The following CTNNA3 variants were observed in gnomAD, a reference collection of about 807,000 sequenced individuals.
CTNNA3 encodes the protein catenin alpha 3, also known as catenin alpha-3.
CTNNA3 carries 76 observed loss-of-function variants against 95.7 expected under a neutral mutation model. The ratio of observed to expected loss-of-function variants is 0.79; its 90% CI spans 0.66 to 0.96. CTNNA3 has a LOEUF of 0.96. CTNNA3 is among the 40% of genes least tolerant of loss of function. The pLI, the probability that CTNNA3 is intolerant of heterozygous loss-of-function variation, is 0.00. For synonymous variants in CTNNA3, 431 were observed against 374.4 expected (o/e 1.15, Z -1.74); for missense variants, 1,191 against 1,089.8 (o/e 1.09, Z -1.31).
At chr10:66,232,393 AAAAT>A (rs1204204522) in intron 13 of CTNNA3, among the ~76,000 whole-genome samples, 1 of 152,136 alleles carries the variant, frequency 6.6e-6, no homozygotes, top group Admixed American at 6.5e-5. Flanking sequence ...GCAAATTTTA[AAAAT>A]AATTTTAAAA....
intron 17 of CTNNA3, among the ~76,000 whole-genome samples, chr10:65,942,967 A>G (rs1281905519): frequency 6.6e-6 from 1 of 152,206 alleles, no homozygotes; most frequent in Non-Finnish European, 1.5e-5. Flanking sequence ...TAAAATATAT[A>G]AAGAACTTAA....
chr10:66,005,127 G>A (rs1020337225), intron 15 of CTNNA3, among the ~76,000 whole-genome samples: 28 of 152,080 alleles, frequency 1.8e-4, no homozygotes, highest in Admixed American at 1.7e-3. Context: ...GTATGCTTCT[G>A]TTATCACACT....
At chr10:66,653,779 A>T (rs1055329247) in intron 9 of CTNNA3, among the ~76,000 whole-genome samples, 1 of 152,100 alleles carries the variant, frequency 6.6e-6, no homozygotes, top group Non-Finnish European at 1.5e-5. Flanking sequence ...AATGGAATAG[A>T]CAGTCCAAAA....
At chr10:67,373,093 A>G (rs1038941725) in intron 5 of CTNNA3, among the ~76,000 whole-genome samples, 1 of 152,204 alleles carries the variant, frequency 6.6e-6, no homozygotes, top group African/African-American at 2.4e-5. Context: ...ACCAGCTAAC[A>G]TAATAATGAC....
chr10:67,757,782 G>A (rs1182892213), intron 1 of CTNNA3, among the ~76,000 whole-genome samples: 2 of 152,050 alleles, frequency 1.3e-5, no homozygotes, highest in South Asian at 2.1e-4. Context: ...CTCAATCTGC[G>A]GACAGCCTAT....
At chr10:66,443,894 C>T (rs908624863) in intron 11 of CTNNA3, among the ~76,000 whole-genome samples, 2 of 152,076 alleles carry the variant, frequency 1.3e-5, no homozygotes, top group Non-Finnish European at 2.9e-5. Context: ...GGAGGAAATT[C>T]AAACCAATGG....
At chr10:66,643,585 T>C (rs1237345559) in intron 9 of CTNNA3, among the ~76,000 whole-genome samples, 2 of 152,200 alleles carry the variant, frequency 1.3e-5, no homozygotes, top group Non-Finnish European at 2.9e-5. Context: ...AATCATCTTC[T>C]TTTATAACTC....
intron 17 of CTNNA3, among the ~76,000 whole-genome samples, chr10:65,951,675 A>G (rs16922242): frequency 0.032 from 4,872 of 152,060 alleles, 95 homozygotes; most frequent in Middle Eastern, 0.079. Flanking sequence ...CCGAGAGGTC[A>G]TAGGGCTTCA....
At chr10:66,298,192 T>C (rs1289708435) in intron 12 of CTNNA3, among the ~76,000 whole-genome samples, 1 of 152,086 alleles carries the variant, frequency 6.6e-6, no homozygotes, top group East Asian at 1.9e-4. Flanking sequence ...GTTGATAAAA[T>C]AGCAAGGTTA....
At chr10:67,412,376 G>A (rs1239982179) in intron 5 of CTNNA3, among the ~76,000 whole-genome samples, 2 of 152,160 alleles carry the variant, frequency 1.3e-5, no homozygotes, top group East Asian at 3.9e-4. Flanking sequence ...CCAAATATAT[G>A]ATTCATCAGC....
chr10:66,967,333 CATAT>C (rs558943403), intron 7 of CTNNA3, among the ~76,000 whole-genome samples: 39 of 140,898 alleles, frequency 2.8e-4, no homozygotes, highest in Admixed American at 3.6e-4. Flanking sequence ...TGGATATAGA[CATAT>C]ATATATATAG....
At chr10:67,592,652 A>G (rs1842824708) in intron 3 of CTNNA3, among the ~76,000 whole-genome samples, 1 of 152,202 alleles carries the variant, frequency 6.6e-6, no homozygotes, top group Admixed American at 6.5e-5. Flanking sequence ...AAAAGAAAAA[A>G]AGAACTGATT....
intron 13 of CTNNA3, among the ~76,000 whole-genome samples, chr10:66,167,394 T>A (rs186908555): frequency 1.9e-4 from 29 of 152,288 alleles, no homozygotes; most frequent in Non-Finnish European, 3.4e-4. Flanking sequence ...TCCTGTGAGA[T>A]TTACAATGTC....
intron 12 of CTNNA3, among the ~76,000 whole-genome samples, chr10:66,365,124 C>T (rs1232451890): frequency 6.6e-6 from 1 of 151,586 alleles, no homozygotes; most frequent in Non-Finnish European, 1.5e-5. Context: ...TGTAGTCTCT[C>T]GGAACCAACC....
intron 11 of CTNNA3, among the ~76,000 whole-genome samples, chr10:66,509,215 C>A (rs1488241789): frequency 6.6e-6 from 1 of 151,936 alleles, no homozygotes; most frequent in Non-Finnish European, 1.5e-5. Context: ...CCAGATAAAT[C>A]ACTCATTTTT....
chr10:67,700,390 C>A (rs1240583495), upstream of CTNNA3, among the ~76,000 whole-genome samples: 1 of 152,240 alleles, frequency 6.6e-6, no homozygotes, highest in African/African-American at 2.4e-5. Flanking sequence ...TAGGGGCAGA[C>A]TGACACCTCA....
At chr10:67,149,026 T>C (rs1419464479) in intron 7 of CTNNA3, among the ~76,000 whole-genome samples, 3 of 152,218 alleles carry the variant, frequency 2.0e-5, no homozygotes, top group Non-Finnish European at 2.9e-5. Context: ...ACTGTGACCA[T>C]TGTTAACAAC....
chr10:67,347,279 G>A (rs1268804410), intron 5 of CTNNA3, among the ~76,000 whole-genome samples: 1 of 151,874 alleles, frequency 6.6e-6, no homozygotes, highest in Non-Finnish European at 1.5e-5. Flanking sequence ...GCCCAGGCTG[G>A]TCTGGAACTC....
At chr10:66,292,633 G>A (rs1012466512) in intron 12 of CTNNA3, among the ~76,000 whole-genome samples, 3 of 152,110 alleles carry the variant, frequency 2.0e-5, no homozygotes, top group African/African-American at 4.8e-5. Context: ...CTGAAGTTAA[G>A]AGGATTAATA....
Sources: gnomAD v4.1 joint callset for allele counts (sites outside exome capture counted in the v4.1 genomes callset) on GRCh38, gnomAD v4.1.1 for gene constraint, MANE v1.5 for transcripts, NCBI Gene and HGNC (gene_info 2026-07-23, HGNC 2026-07-21) for gene names.